Variants in KCNC3 observed in about 807,000 individuals in gnomAD.
KCNC3 encodes the protein voltage-gated potassium channel KCNC3.
Under a neutral mutation model 43.9 loss-of-function variants are expected in KCNC3, and 22 were observed. That is an observed-to-expected ratio of 0.50 (90% CI 0.36 to 0.72). KCNC3 has a LOEUF of 0.72. Ranked by LOEUF, KCNC3 falls within the 30% of genes least tolerant of loss-of-function variation. The pLI is 0.00. For synonymous variants in KCNC3, 492 were observed against 488.0 expected (o/e 1.01, Z -0.11); for missense variants, 829 against 1,073.8 (o/e 0.77, Z 3.19).
chr19:50,320,314 G>A lies in KCNC3; in HGVS notation c.2206C>T (p.Arg736Cys), dbSNP rs1284635392. The A allele has an allele frequency of 2.7e-5, 15 of 554,274 alleles. No individual in the cohort carries two copies. The highest frequency in any genetic ancestry group is 1.2e-4 in the South Asian group (5 of 40,406). The allele number at this position is 554,274 out of a possible 1,614,324, so 34.3% of individuals were successfully genotyped here. A position where few individuals can be genotyped will look rare whatever the true frequency, so the allele number is the denominator to read the frequency against. ...GAPPLPPQDW[R>C]KPGPPSFLPD... ...AAGAAGCTTGGGGGGCCTGGCTTACGCCAGTCTTGGGGGGGCAGTGGGGGA... is the reference window on the plus strand; with the variant it reads ...AAGAAGCTTGGGGGGCCTGGCTTACACCAGTCTTGGGGGGGCAGTGGGGGA... Residue 736 changes from arginine (R) to cysteine (C), a missense_variant, in exon 4 of 5, where the codon CGT becomes TGT. Physicochemically the swap from Arg to Cys is radical, Grantham distance 180. Transcript: ENST00000477616.
chr19:50,323,548 C>T lies in KCNC3; in HGVS notation c.1405G>A (p.Ala469Thr), dbSNP rs377078916. 1.9e-6 allele frequency: 3 copies of T among 1,614,190 alleles called. No homozygotes were observed. Among genetic ancestry groups the T allele is most frequent in the Non-Finnish European group, 2.5e-6 (3 of 1,180,030 alleles). The change falls in exon 2 of 5, where the codon GCT becomes ACT. Residue 469 changes from alanine to threonine, a missense_variant. By Grantham distance (58) the Ala-to-Thr change is moderately conservative. Around this residue, in one of 7 missense-constraint regions of KCNC3, gnomAD observed 157 missense variants for 293.5 expected, o/e 0.53. Transcript: ENST00000477616. ...TCGGGGTCGGCGCCAATGCGCTCAG[C>T]GTAGTAAATCATGGTGGCGAAGATG... is the stretch of plus-strand genomic sequence containing the variant. ...VLIFATMIYY[A>T]ERIGADPDDI...
At position 50,314,488 on chromosome 19, in the gene KCNC3, G is replaced by A. The variant is rs545258635; in HGVS notation, c.*1627C>T. On this transcript the variant is annotated 3_prime_UTR_variant, in exon 5 of 5. Transcript: ENST00000477616. ...TATTGCTGAGGTGGACTTGGAGTGGGGGCTCCAGGTTAGGGAAGGCATGCA... is the reference window on the plus strand; with the variant it reads ...TATTGCTGAGGTGGACTTGGAGTGGAGGCTCCAGGTTAGGGAAGGCATGCA... 70 of 182,612 alleles carry A rather than the reference G, an allele frequency of 3.8e-4. No individual in the cohort carries two copies. Among genetic ancestry groups the A allele is most frequent in the African/African-American group, 1.2e-3 (52 of 41,720 alleles). The allele number at this position is 182,612 out of a possible 1,614,324, so 11.3% of individuals were successfully genotyped here. A position where few individuals can be genotyped will look rare whatever the true frequency, so the allele number is the denominator to read the frequency against.
intron 1 of KCNC3, among the ~76,000 whole-genome samples, chr19:50,327,099 C>G (rs604871): frequency 0.54 from 80,540 of 149,282 alleles, 21,850 homozygotes; most frequent in Non-Finnish European, 0.6. Context: ...GACTAGGAAA[C>G]GGGCTGTGGG....
At position 50,329,145 on chromosome 19, in the gene KCNC3, A is replaced by G; in HGVS notation, c.-63T>C. ...GGCGGGGACACGGGGGGAGAGACCGACGGGATTGGGTGGGAGGAGGAGCGA... is the reference window on the plus strand; with the variant it reads ...GGCGGGGACACGGGGGGAGAGACCGGCGGGATTGGGTGGGAGGAGGAGCGA... On this transcript the variant is annotated 5_prime_UTR_variant, in exon 1 of 5. Transcript: ENST00000477616. 3.2e-6 allele frequency: 1 copy of G among 308,140 alleles called. No homozygotes were observed. The allele number at this position is 308,140 out of a possible 1,614,324, so 19.1% of individuals were successfully genotyped here. A position where few individuals can be genotyped will look rare whatever the true frequency, so the allele number is the denominator to read the frequency against.
intron 4 of KCNC3, among the ~76,000 whole-genome samples, chr19:50,318,608 G>T (rs1396032908): frequency 6.6e-6 from 1 of 152,152 alleles, no homozygotes; most frequent in African/African-American, 2.4e-5. Flanking sequence ...TGCTGTCGTG[G>T]CTTAACATGG....
Position 50,323,965 on chromosome 19 carries a change from G to A in KCNC3, c.988C>T (p.Pro330Ser), listed in dbSNP as rs772956266. Residue 330 changes from proline (P) to serine (S), a missense_variant, in exon 2 of 5, where the codon CCC becomes TCC. Physicochemically the swap from Pro to Ser is moderately conservative, Grantham distance 74. Coordinates refer to ENST00000477616, the MANE Select transcript of KCNC3 (RefSeq NM_004977.3). ...NKTVTQASPI[P>S]GAPPENITNV... is the part of the protein sequence containing the mutation. ...GTGATGTTCTCCGGAGGTGCCCCGGGGATCGGGGAGGCCTGGGTCACCGTC... is the reference window on the plus strand; with the variant it reads ...GTGATGTTCTCCGGAGGTGCCCCGGAGATCGGGGAGGCCTGGGTCACCGTC... 5.0e-6 allele frequency: 8 copies of A among 1,613,564 alleles called. No homozygotes were observed. The highest frequency in any genetic ancestry group is 6.8e-6 in the Non-Finnish European group (8 of 1,179,472).
chr19:50,321,848 G>A (rs1384123263), intron 2 of KCNC3, among the ~76,000 whole-genome samples: 1 of 152,038 alleles, frequency 6.6e-6, no homozygotes, highest in Non-Finnish European at 1.5e-5. Flanking sequence ...GCAGTGTTGG[G>A]GGGTGGTTGG....
At position 50,314,266 on chromosome 19, in the gene KCNC3, G is replaced by T. The variant is rs532827600; in HGVS notation, c.*1849C>A. On this transcript the variant is annotated 3_prime_UTR_variant, in exon 5 of 5. Transcript: ENST00000477616. ...AGCTCAACTCCGATCTGGGGCTTGG[G>T]TAACTGTTCCTCCTTCCCCTACACT... 6.6e-6 allele frequency: 1 copy of T among 151,706 alleles called. No individual in the cohort carries two copies. The highest frequency in any genetic ancestry group is 1.5e-5 in the Non-Finnish European group (1 of 67,932). 9.4% of individuals were successfully genotyped at this position (151,706 alleles called of 1,614,324 possible). A position where few individuals can be genotyped will look rare whatever the true frequency, so the allele number is the denominator to read the frequency against.
At chr19:50,320,511 T>TC in intron 3 of KCNC3, 82 bp downstream of exon 3, 2 of 1,358,696 alleles carry the variant, frequency 1.5e-6, no homozygotes, top group Non-Finnish European at 2.0e-6. Flanking sequence ...CACCGCCTCC[T>TC]CCCCCATCCC....
chr19:50,321,642 C>T (rs948607709), intron 2 of KCNC3, among the ~76,000 whole-genome samples: 6 of 151,940 alleles, frequency 3.9e-5, no homozygotes, highest in East Asian at 1.9e-4. Flanking sequence ...CAGTGGCGGG[C>T]GCCTGTAATC....
chr19:50,330,280 A>C (rs186749953), upstream of KCNC3, among the ~76,000 whole-genome samples: 2 of 151,988 alleles, frequency 1.3e-5, no homozygotes, highest in African/African-American at 2.4e-5. Context: ...AAATAAATAA[A>C]TAAAAGAAAA....
chr19:50,323,074 C>T lies in KCNC3; in HGVS notation c.1879G>A (p.Gly627Arg). 1 of 1,538,852 alleles carries T rather than the reference C, an allele frequency of 6.5e-7. No homozygotes were observed. The highest frequency in any genetic ancestry group is 8.7e-7 in the Non-Finnish European group (1 of 1,142,888). The change falls in exon 2 of 5, where the codon GGA (glycine) becomes AGA (arginine). Residue 627 changes from glycine to arginine, a missense_variant. By Grantham distance (125) the Gly-to-Arg change is moderately radical. Transcript: ENST00000477616. ...PHTHPGLLRG[G>R]AGGLGIMGLP... ...CCCATGATCCCCAGCCCACCCGCTC[C>T]CCCCCTGAGCAGCCCGGGGTGCGTG...
intron 4 of KCNC3, among the ~76,000 whole-genome samples, chr19:50,316,722 C>T (rs1051823483): frequency 2.0e-5 from 3 of 151,576 alleles, no homozygotes; most frequent in South Asian, 2.1e-4. Flanking sequence ...GGCGACAGAG[C>T]GAGACCCCAT....
chr19:50,329,014 T>C lies in KCNC3; in HGVS notation c.69A>G (p.Pro23=). ...RQGASKQQPA[P]PPQPPESPPP... ...GCGGGGACTCGGGCGGCTGCGGCGG[T>C]GGCGCCGGCTGCTGCTTGCTGGCCC... The change falls in exon 1 of 5, where the codon CCA becomes CCG. Residue 23 remains proline, a synonymous_variant. Transcript: ENST00000477616. The C allele has an allele frequency of 3.1e-6, 4 of 1,280,732 alleles. No homozygotes were observed. The highest frequency in any genetic ancestry group is 3.4e-5 in the East Asian group (1 of 29,742). The allele number at this position is 1,280,732 out of a possible 1,614,324, so 79.3% of individuals were successfully genotyped here.
upstream of KCNC3, chr19:50,329,903 GC>G (rs1182513355): frequency 6.6e-6 from 1 of 152,458 alleles, no homozygotes; most frequent in African/African-American, 2.4e-5. Context: ...GTTAGTCGGG[GC>G]TGGGCCCGGA....
At chr19:50,326,844 GGA>G (rs200081365) in intron 1 of KCNC3, among the ~76,000 whole-genome samples, 2,197 of 150,902 alleles carry the variant, frequency 0.015, 54 homozygotes, top group African/African-American at 0.051. Flanking sequence ...TCTAGAATTT[GGA>G]GAGAGAGAGA....
intron 4 of KCNC3, among the ~76,000 whole-genome samples, chr19:50,316,298 G>T (rs1192757165): frequency 6.6e-6 from 1 of 151,898 alleles, no homozygotes; most frequent in Non-Finnish European, 1.5e-5. Context: ...CTGGGGAGGG[G>T]GAGGGGAGGA....
In KCNC3 at chr19:50,323,344, C is replaced by T; in HGVS notation, c.1609G>A (p.Val537Ile). ...TACATGCCAAAGTTGTTGACAATGA[C>T]GGGCACAGGCATGGCGATGGTCAGC... ...GVLTIAMPVP[V>I]IVNNFGMYYS... The change falls in exon 2 of 5, where the codon GTC becomes ATC. Residue 537 changes from valine (V) to isoleucine (I), a missense_variant. Val to Ile is a conservative substitution (Grantham distance 29). This residue lies in a region of KCNC3 where 33 missense variants were observed against 96.0 expected (regional missense o/e 0.34). Coordinates refer to ENST00000477616, the MANE Select transcript of KCNC3 (RefSeq NM_004977.3). The T allele has an allele frequency of 6.2e-7, 1 of 1,614,142 alleles. No homozygotes were observed. The highest frequency in any genetic ancestry group is 1.1e-5 in the South Asian group (1 of 91,086).
intron 1 of KCNC3, among the ~76,000 whole-genome samples, chr19:50,325,572 G>T (rs1246850886): frequency 7.8e-6 from 1 of 127,478 alleles, no homozygotes; most frequent in Non-Finnish European, 1.7e-5. Flanking sequence ...GCCGGCGCAG[G>T]TCCTCTCTGA....
Sources: allele counts gnomAD v4.1 joint callset (sites outside exome capture counted in the v4.1 genomes callset), GRCh38; gene constraint gnomAD v4.1.1; regional missense constraint gnomAD v4.1.1; transcripts MANE v1.5; gene names NCBI Gene and HGNC (gene_info 2026-07-23, HGNC 2026-07-21).